The following DMAC2 variants were observed in gnomAD, a reference collection of about 807,000 sequenced individuals.
The protein encoded by DMAC2 is distal membrane-arm assembly complex protein 2.
Under a neutral mutation model 29.6 loss-of-function variants are expected in DMAC2, and 32 were observed. The ratio of observed to expected loss-of-function variants is 1.08; its 90% CI spans 0.81 to 1.45. The LOEUF is 1.45. Among genes scored for constraint, DMAC2 ranks in the 40% most tolerant of loss-of-function variants. The pLI is 0.00. For missense variants in DMAC2, 319 were observed against 340.0 expected (o/e 0.94, Z 0.49); for synonymous variants, 133 against 137.4 (o/e 0.97, Z 0.23).
At position 41,432,152 on chromosome 19, in the gene DMAC2, G is replaced by A; in HGVS notation, c.*79C>T. The A allele has an allele frequency of 6.6e-7, 1 of 1,506,738 alleles. No homozygotes were observed. Among genetic ancestry groups the A allele is most frequent in the Non-Finnish European group, 9.0e-7 (1 of 1,106,030 alleles). 93.3% of individuals were successfully genotyped at this position (1,506,738 alleles called of 1,614,324 possible). A position where few individuals can be genotyped will look rare whatever the true frequency, so the allele number is the denominator to read the frequency against. Reference sequence around the variant, plus strand: ...CCCTGACGTTGAGTGAAGACAAATGGAAGCCAGAAGTGTGGTGAGCTACCA... The same window carrying A: ...CCCTGACGTTGAGTGAAGACAAATGAAAGCCAGAAGTGTGGTGAGCTACCA... On this transcript the variant is annotated 3_prime_UTR_variant, in exon 6 of 6. Transcript: ENST00000221943.
At chr19:41,435,304 C>G (rs2039799791) in intron 3 of DMAC2, among the ~76,000 whole-genome samples, 1 of 152,024 alleles carries the variant, frequency 6.6e-6, no homozygotes, top group African/African-American at 2.4e-5. Flanking sequence ...GAGTCTTGCT[C>G]TGTCACCCAG....
Position 41,436,413 on chromosome 19 carries a change from A to G in DMAC2, c.275T>C (p.Leu92Pro). 1.9e-6 allele frequency: 3 copies of G among 1,614,014 alleles called. No homozygotes were observed. The South Asian group carries it at 3.3e-5, about 18-fold the overall frequency. ...GPYGAGAFFI[L>P]KQGGAVKFRD... ...ATACTTGACTGCGCCTCCCTGCTTC[A>G]GGATGAAAAAGGCACCTGCGCCGTA... The change falls in exon 3 of 6, where the codon CTG (leucine) becomes CCG (proline). Residue 92 changes from leucine (L) to proline (P), a missense_variant. Coordinates refer to ENST00000221943, the MANE Select transcript of DMAC2 (RefSeq NM_018035.3).
intron 2 of DMAC2, 67 bp downstream of exon 2, chr19:41,438,151 C>T (rs1436572811): frequency 6.8e-7 from 1 of 1,475,086 alleles, no homozygotes. Flanking sequence ...CTGGGAATGG[C>T]AAGGACAGGA....
chr19:41,439,080 T>A (rs16975238), intron 1 of DMAC2: 81,959 of 193,184 alleles, frequency 0.42, 18,045 homozygotes, highest in East Asian at 0.55. Context: ...GAGAAGGGTA[T>A]AAAAAGCATG....
intron 5 of DMAC2, chr19:41,432,784 GTGTGTGTGT>G: frequency 1.3e-5 from 1 of 78,554 alleles, no homozygotes; most frequent in African/African-American, 2.6e-4. Flanking sequence ...GACAGCGTGC[GTGTGTGTGT>G]GTGTGTGTGT....
rs782590153 is a variant in DMAC2, at chr19:41,438,379, A to C, written c.54T>G (p.Arg18=). The change falls in exon 2 of 6, where the codon CGT becomes CGG. Residue 18 remains arginine (R), a synonymous_variant. Coordinates refer to ENST00000221943, the MANE Select transcript of DMAC2 (RefSeq NM_018035.3). ...CACCCAGGCGATGGATGCCCCTGAT[A>C]CGCCCATTCCACATGGGGGCGACCA... ...LRLVAPMWNG[R]IRGIHRLGAA... is the part of the protein sequence containing the mutation. The C allele has an allele frequency of 6.2e-7, 1 of 1,614,170 alleles. No individual in the cohort carries two copies. The highest frequency in any genetic ancestry group is 2.2e-5 in the East Asian group (1 of 44,886).
intron 2 of DMAC2, among the ~76,000 whole-genome samples, chr19:41,436,899 AAC>A (rs2039891992): frequency 6.6e-6 from 1 of 152,188 alleles, no homozygotes; most frequent in African/African-American, 2.4e-5. Context: ...GGTGAGAAGG[AAC>A]AGAGTATAAA....
intron 5 of DMAC2, 162 bp from the exon 6 acceptor site, chr19:41,432,570 TG>T (rs2039580460): frequency 2.7e-6 from 1 of 372,674 alleles, no homozygotes. Flanking sequence ...AGTGTGTGCG[TG>T]TGTGTGTGTG....
chr19:41,435,780 C>CA (rs1313483757), intron 3 of DMAC2, among the ~76,000 whole-genome samples: 1 of 151,974 alleles, frequency 6.6e-6, no homozygotes, highest in Non-Finnish European at 1.5e-5. Context: ...AGGCTGTTCT[C>CA]AAACTCCTGG....
intron 5 of DMAC2, chr19:41,432,880 G>GTGCGTGCGTGCA: frequency 1.9e-6 from 1 of 530,666 alleles, no homozygotes; most frequent in Non-Finnish European, 3.3e-6. Flanking sequence ...GTGTGTGTGT[G>GTGCGTGCGTGCA]TGCGTGCGTG....
At chr19:41,435,961 C>A (rs1395522460) in intron 3 of DMAC2, among the ~76,000 whole-genome samples, 1 of 151,812 alleles carries the variant, frequency 6.6e-6, no homozygotes, top group Admixed American at 6.6e-5. Flanking sequence ...CTGCAACCTC[C>A]ACCTCCCGGG....
intron 5 of DMAC2, 194 bp from the exon 6 acceptor site, chr19:41,432,602 CCAGTGTA>C: frequency 4.2e-6 from 2 of 471,626 alleles, no homozygotes; most frequent in South Asian, 4.2e-5. Context: ...GGGAGGTAAG[CCAGTGTA>C]AGGACAGCAT....
chr19:41,432,011 C>T lies in DMAC2; in HGVS notation c.*220G>A, dbSNP rs1163024909. 1.8e-5 allele frequency: 11 copies of T among 596,662 alleles called. No homozygotes were observed. The highest frequency in any genetic ancestry group is 3.0e-5 in the Non-Finnish European group (10 of 337,452). 37.0% of individuals were successfully genotyped at this position (596,662 alleles called of 1,614,324 possible). A position where few individuals can be genotyped will look rare whatever the true frequency, so the allele number is the denominator to read the frequency against. On this transcript the variant is annotated 3_prime_UTR_variant, in exon 6 of 6. Transcript: ENST00000221943. ...TTACCTCCCCAGGCCTGAACAGGGG[C>T]ATGGAAAGGGCTGCCTGACAGGGTG...
intron 1 of DMAC2, among the ~76,000 whole-genome samples, chr19:41,438,628 C>T (rs531945050): frequency 6.6e-6 from 1 of 152,174 alleles, no homozygotes; most frequent in African/African-American, 2.4e-5. Context: ...TAAATTTTCT[C>T]GACTAGCCAT....
chr19:41,434,397 CAAA>C (rs1160927067), intron 3 of DMAC2, among the ~76,000 whole-genome samples: 3 of 63,260 alleles, frequency 4.7e-5, no homozygotes, highest in Non-Finnish European at 2.9e-5. Context: ...GACCCTATCT[CAAA>C]AAAAAAAAAA....
intron 5 of DMAC2, chr19:41,432,789 T>TGC: frequency 5.8e-6 from 2 of 345,792 alleles, no homozygotes; most frequent in Non-Finnish European, 5.2e-6. Flanking sequence ...CGTGCGTGTG[T>TGC]GTGTGTGTGT....
In DMAC2 at chr19:41,437,264, C is replaced by T. The variant is rs189851535; in HGVS notation, c.216-792G>A. Among the ~76,000 whole-genome samples the T allele has an allele frequency of 8.6e-5, 13 of 151,854 alleles. No homozygotes were observed. The East Asian group carries it at 9.7e-4, about 11-fold the overall frequency. Reference sequence around the variant, plus strand: ...AAAATAGAAAAATTAGGTGTGGTGGCGCCTGCCTGTAATCTCACCTACTTG... The same window carrying T: ...AAAATAGAAAAATTAGGTGTGGTGGTGCCTGCCTGTAATCTCACCTACTTG... On this transcript the variant is annotated intron_variant, in intron 2 of 5. Transcript: ENST00000221943.
chr19:41,432,887 C>A, intron 5 of DMAC2: 2 of 471,168 alleles, frequency 4.2e-6, no homozygotes, highest in Non-Finnish European at 7.5e-6. Flanking sequence ...TGTGTGCGTG[C>A]GTGCATGCGT....
chr19:41,437,922 G>C (rs1016724945), intron 2 of DMAC2, among the ~76,000 whole-genome samples: 3 of 152,256 alleles, frequency 2.0e-5, no homozygotes, highest in Non-Finnish European at 4.4e-5. Context: ...GGCAGCACCA[G>C]TGTTTACTGG....
Sources: gnomAD v4.1 joint callset for allele counts (sites outside exome capture counted in the v4.1 genomes callset) on GRCh38, gnomAD v4.1.1 for gene constraint, MANE v1.5 for transcripts, NCBI Gene and HGNC (gene_info 2026-07-23, HGNC 2026-07-21) for gene names.